Variants in TLL2 observed in about 807,000 individuals in gnomAD.
The protein encoded by TLL2 is tolloid like 2.
TLL2 carries 106 observed loss-of-function variants against 123.0 expected under a neutral mutation model. The observed-to-expected ratio is 0.86, with a 90% confidence interval of 0.74 to 1.01. TLL2 has a LOEUF of 1.01. TLL2 is among the 50% of genes least tolerant of loss of function. The pLI is 0.00. For missense variants in TLL2, 1,332 were observed against 1,336.7 expected (o/e 1.00, Z 0.06); for synonymous variants, 494 against 516.8 (o/e 0.96, Z 0.60).
chr10:96,394,457 T>G (rs1399669386), intron 13 of TLL2, among the ~76,000 whole-genome samples: 1 of 152,192 alleles, frequency 6.6e-6, no homozygotes, highest in African/African-American at 2.4e-5. Flanking sequence ...CCAGGAAAGC[T>G]CGGTCTGCCC....
intron 10 of TLL2, among the ~76,000 whole-genome samples, chr10:96,402,594 C>G (rs145718986): frequency 6.6e-6 from 1 of 152,312 alleles, no homozygotes; most frequent in East Asian, 1.9e-4. Context: ...AACAGAAATC[C>G]AGGCAGGCAT....
chr10:96,503,063 T>C (rs1378923200), intron 1 of TLL2, among the ~76,000 whole-genome samples: 3 of 152,064 alleles, frequency 2.0e-5, no homozygotes, highest in African/African-American at 7.2e-5. Flanking sequence ...GCTGAGAGGG[T>C]ACCATGAGAA....
intron 5 of TLL2, among the ~76,000 whole-genome samples, chr10:96,428,075 G>A (rs774874710): frequency 3.3e-5 from 5 of 152,156 alleles, no homozygotes; most frequent in East Asian, 3.8e-4. Context: ...GATTACAGGC[G>A]TGACTCACCG....
intron 2 of TLL2, among the ~76,000 whole-genome samples, chr10:96,458,804 G>A (rs1298318981): frequency 2.0e-5 from 3 of 151,606 alleles, no homozygotes; most frequent in South Asian, 2.1e-4. Flanking sequence ...TCAATAGAAA[G>A]GAAAATTTGG....
At chr10:96,387,303 T>G (rs1846245623) in intron 13 of TLL2, among the ~76,000 whole-genome samples, 1 of 152,166 alleles carries the variant, frequency 6.6e-6, no homozygotes, top group Admixed American at 6.5e-5. Flanking sequence ...TTAGCTGGGG[T>G]AGGCTCTGCC....
chr10:96,431,411 C>G (rs575233988), intron 4 of TLL2, among the ~76,000 whole-genome samples: 4 of 152,162 alleles, frequency 2.6e-5, no homozygotes, highest in Non-Finnish European at 5.9e-5. Context: ...CAGCGATTCT[C>G]AGTGGCTTTG....
chr10:96,399,204 C>G (rs1846369991), intron 10 of TLL2, among the ~76,000 whole-genome samples: 1 of 152,134 alleles, frequency 6.6e-6, no homozygotes, highest in South Asian at 2.1e-4. Flanking sequence ...ATTGTGGTGA[C>G]ACAACTCTGA....
intron 2 of TLL2, among the ~76,000 whole-genome samples, chr10:96,458,268 G>A (rs1423256321): frequency 6.6e-6 from 1 of 152,082 alleles, no homozygotes; most frequent in South Asian, 2.1e-4. Flanking sequence ...ACCTGACAAA[G>A]GCACCCACTT....
At chr10:96,388,037 A>T (rs75001997) in intron 13 of TLL2, among the ~76,000 whole-genome samples, 3,967 of 152,284 alleles carry the variant, frequency 0.026, 64 homozygotes, top group South Asian at 0.065. Context: ...ACCTAGGAAG[A>T]AGAAAGGATA....
chr10:96,373,692 G>A lies in TLL2; in HGVS notation c.2566C>T (p.Pro856Ser), dbSNP rs1168710723. Residue 856 changes from proline (P) to serine (S), a missense_variant, in exon 19 of 21, where the codon CCA (proline) becomes TCA (serine). By Grantham distance (74) the Pro-to-Ser change is moderately conservative (BLOSUM62 -1). Coordinates refer to ENST00000357947, the MANE Select transcript of TLL2 (RefSeq NM_012465.4). The part of the protein sequence containing the change: ...ILGRFCGSKK[P>S]DPTVASGSSM... ...CTGCCGGAAGCCACCGTGGGGTCTG[G>A]TTTCTTGCTGCCGCAGAAACGGCCC... is the stretch of plus-strand genomic sequence containing the variant. 6.2e-7 allele frequency: 1 copy of A among 1,614,258 alleles called. No homozygotes were observed.
At chr10:96,502,318 T>A (rs1036953028) in intron 1 of TLL2, among the ~76,000 whole-genome samples, 6 of 152,178 alleles carry the variant, frequency 3.9e-5, no homozygotes, top group African/African-American at 1.4e-4. Context: ...AGGTCTGATC[T>A]TGCAAACGTG....
intron 9 of TLL2, among the ~76,000 whole-genome samples, chr10:96,407,753 C>T (rs1013763991): frequency 6.6e-6 from 1 of 152,206 alleles, no homozygotes; most frequent in Non-Finnish European, 1.5e-5. Flanking sequence ...CTGCGATCTC[C>T]TAGGAAACGA....
intron 10 of TLL2, 42 bp from the exon 11 acceptor site, chr10:96,397,344 G>A (rs754510944): frequency 1.3e-6 from 2 of 1,519,854 alleles, no homozygotes; most frequent in South Asian, 1.2e-5. Context: ...CCTGGGGACA[G>A]CAAGAAGGCA....
Position 96,413,314 on chromosome 10 carries a change from C to G in TLL2, c.926G>C (p.Gly309Ala), listed in dbSNP as rs1243028588. The change falls in exon 8 of 21, where the codon GGA (glycine) becomes GCA (alanine). Residue 309 changes from glycine (G) to alanine (A), a missense_variant and splice_region_variant. Coordinates refer to ENST00000357947, the MANE Select transcript of TLL2 (RefSeq NM_012465.4). Reference sequence around the variant, plus strand: ...GGGAAGGATGGTGTCTAAGAAAACTCCTCTACAGGAAGGAAAAAAGACAGA... The same window carrying G: ...GGGAAGGATGGTGTCTAAGAAAACTGCTCTACAGGAAGGAAAAAAGACAGA... ...MHYARNTFSRGVFLDTILPRQ... is the reference protein window; with the variant it reads ...MHYARNTFSRAVFLDTILPRQ... 1 of 1,613,092 alleles carries G rather than the reference C, an allele frequency of 6.2e-7. No individual in the cohort carries two copies.
At chr10:96,374,380 G>A (rs1232492250) in intron 18 of TLL2, 1 of 158,948 alleles carries the variant, frequency 6.3e-6, no homozygotes, top group Admixed American at 6.1e-5. Context: ...GCCATGATCT[G>A]GTGCTCTGGC....
intron 13 of TLL2, among the ~76,000 whole-genome samples, chr10:96,391,555 A>ACAGATC (rs1846288881): frequency 6.6e-6 from 1 of 152,178 alleles, no homozygotes; most frequent in South Asian, 2.1e-4. Flanking sequence ...GTGGAATCCT[A>ACAGATC]CAGATCCAGG....
At chr10:96,409,559 T>C (rs1846481613) in intron 9 of TLL2, among the ~76,000 whole-genome samples, 1 of 152,192 alleles carries the variant, frequency 6.6e-6, no homozygotes, top group African/African-American at 2.4e-5. Context: ...TTTTGGCACT[T>C]TCCTTAATGT....
At chr10:96,378,488 T>C (rs931448390) in intron 17 of TLL2, among the ~76,000 whole-genome samples, 3 of 152,238 alleles carry the variant, frequency 2.0e-5, no homozygotes, top group Admixed American at 1.3e-4. Context: ...AATTAATATA[T>C]GACAAAGACA....
At chr10:96,437,503 C>A (rs1212122164) in intron 3 of TLL2, among the ~76,000 whole-genome samples, 1 of 152,118 alleles carries the variant, frequency 6.6e-6, no homozygotes, top group Non-Finnish European at 1.5e-5. Flanking sequence ...GTTTCAACAC[C>A]ATAAGTATCC....
Sources: allele counts gnomAD v4.1 joint callset (sites outside exome capture counted in the v4.1 genomes callset), GRCh38; gene constraint gnomAD v4.1.1; transcripts MANE v1.5; gene names NCBI Gene and HGNC (gene_info 2026-07-23, HGNC 2026-07-21).